Variants in QNG1 observed in about 807,000 individuals in gnomAD.
The protein encoded by QNG1 is queuosine 5'-phosphate N-glycosylase/hydrolase.
At chr9:83,952,090 G>A in the QNG1 span, among the ~76,000 whole-genome samples, 5 of 151,538 alleles carry the variant, frequency 3.3e-5, no homozygotes, top group Non-Finnish European at 7.4e-5. Flanking sequence ...GGGCTCAAGC[G>A]ATCCTCCTGC....
chr9:83,944,895 A>G, the QNG1 span: 22 of 1,613,896 alleles, frequency 1.4e-5, no homozygotes, highest in Non-Finnish European at 1.8e-5. Context: ...GATACTGGAG[A>G]TGTCCTTGAA....
the QNG1 span, among the ~76,000 whole-genome samples, chr9:83,954,904 AG>A: frequency 1.5e-5 from 2 of 135,046 alleles, no homozygotes; most frequent in Non-Finnish European, 3.1e-5. Flanking sequence ...AAAAAAAAAA[AG>A]GAAAGAAATG....
chr9:83,942,164 G>A, the QNG1 span, among the ~76,000 whole-genome samples: 1 of 152,128 alleles, frequency 6.6e-6, no homozygotes, highest in African/African-American at 2.4e-5. Context: ...TCTAGTTTGT[G>A]GTAATTTGTT....
chr9:83,944,961 G>A, the QNG1 span: 1 of 1,606,838 alleles, frequency 6.2e-7, no homozygotes, highest in Non-Finnish European at 8.5e-7. Flanking sequence ...AAGGATTTGG[G>A]CTCGTTTGTA....
At chr9:83,955,162 G>A in the QNG1 span, among the ~76,000 whole-genome samples, 8 of 152,156 alleles carry the variant, frequency 5.3e-5, no homozygotes, top group Non-Finnish European at 1.0e-4. Context: ...TCACGCCACT[G>A]CACTCCAGCC....
the QNG1 span, chr9:83,953,680 T>G: frequency 1.4e-6 from 1 of 701,918 alleles, no homozygotes; most frequent in Non-Finnish European, 2.4e-6. Context: ...TTTTTTGAGA[T>G]GGAGTCCAGC....
At chr9:83,939,426 T>C in the QNG1 span, 1 of 888,402 alleles carries the variant, frequency 1.1e-6, no homozygotes, top group Non-Finnish European at 1.8e-6. Flanking sequence ...ACCTCGATCA[T>C]GTTCTCTAAA....
chr9:83,953,753 G>T, the QNG1 span: 1 of 1,522,622 alleles, frequency 6.6e-7, no homozygotes, highest in Non-Finnish European at 8.9e-7. Context: ...CCCCTCCCAG[G>T]TTCAAAAGAT....
At chr9:83,954,544 T>G in the QNG1 span, among the ~76,000 whole-genome samples, 1 of 150,582 alleles carries the variant, frequency 6.6e-6, no homozygotes, top group South Asian at 2.1e-4. Context: ...ATAGTGCCAC[T>G]GCACTCCAGC....
chr9:83,946,931 C>T, the QNG1 span, among the ~76,000 whole-genome samples: 2 of 151,024 alleles, frequency 1.3e-5, no homozygotes, highest in Admixed American at 6.6e-5. Flanking sequence ...ATTAGCCAGG[C>T]GTGGTGGCAC....
At chr9:83,955,974 T>G in the QNG1 span, among the ~76,000 whole-genome samples, 1 of 152,208 alleles carries the variant, frequency 6.6e-6, no homozygotes, top group African/African-American at 2.4e-5. Flanking sequence ...ATGATAAATA[T>G]TAACATCATT....
At chr9:83,950,563 T>TATGACC in the QNG1 span, among the ~76,000 whole-genome samples, 9 of 151,748 alleles carry the variant, frequency 5.9e-5, no homozygotes, top group Non-Finnish European at 1.0e-4. Context: ...TAAAAAGCTC[T>TATGACC]ATGACCATGA....
chr9:83,948,521 G>A, the QNG1 span, among the ~76,000 whole-genome samples: 3 of 146,136 alleles, frequency 2.1e-5, no homozygotes, highest in African/African-American at 5.1e-5. Context: ...GAGGGGGGGG[G>A]CGCCTCTGCC....
At chr9:83,947,446 A>C in the QNG1 span, among the ~76,000 whole-genome samples, 1 of 152,238 alleles carries the variant, frequency 6.6e-6, no homozygotes, top group East Asian at 1.9e-4. Context: ...TAACAGATCC[A>C]GACCTATTTT....
At chr9:83,948,416 C>A in the QNG1 span, among the ~76,000 whole-genome samples, 1 of 149,300 alleles carries the variant, frequency 6.7e-6, no homozygotes, top group Admixed American at 6.6e-5. Context: ...CCGCCCCGTC[C>A]GGGAGGGAGG....
At chr9:83,941,325 A>G in the QNG1 span, among the ~76,000 whole-genome samples, 1 of 152,222 alleles carries the variant, frequency 6.6e-6, no homozygotes, top group Non-Finnish European at 1.5e-5. Flanking sequence ...TTGTTTGGAA[A>G]TAGGGACTTT....
At chr9:83,946,171 G>A in the QNG1 span, among the ~76,000 whole-genome samples, 1 of 151,902 alleles carries the variant, frequency 6.6e-6, no homozygotes, top group Non-Finnish European at 1.5e-5. Flanking sequence ...TGGGTGTGGT[G>A]GCGATCGCCT....
the QNG1 span, among the ~76,000 whole-genome samples, chr9:83,945,301 T>G: frequency 6.7e-6 from 1 of 148,306 alleles, no homozygotes; most frequent in African/African-American, 2.5e-5. Flanking sequence ...ACTCAGGAGG[T>G]GAGGTGGGAG....
At chr9:83,955,302 C>A in the QNG1 span, 1 of 1,474,674 alleles carries the variant, frequency 6.8e-7, no homozygotes, top group Non-Finnish European at 9.2e-7. Flanking sequence ...AGTTTTTATT[C>A]TTAAAATGAG....
Sources: allele counts gnomAD v4.1 joint callset (sites outside exome capture counted in the v4.1 genomes callset), GRCh38; gene constraint gnomAD v4.1.1; transcripts MANE v1.5; gene names NCBI Gene and HGNC (gene_info 2026-07-23, HGNC 2026-07-21).